Variants in ZBTB16 observed in about 807,000 individuals in gnomAD.
ZBTB16 encodes the protein zinc finger and BTB domain containing 16, also known as zinc finger and BTB domain-containing protein 16.
Under a neutral mutation model 56.8 loss-of-function variants are expected in ZBTB16, and 8 were observed. The ratio of observed to expected loss-of-function variants is 0.14; its 90% CI spans 0.08 to 0.25. The LOEUF (loss-of-function observed/expected upper bound fraction) is 0.25, where lower values mean the gene tolerates loss of function less well. Ranked by LOEUF, ZBTB16 falls within the 10% of genes least tolerant of loss-of-function variation. The pLI is 1.00. For missense variants in ZBTB16, 625 were observed against 903.0 expected (o/e 0.69, Z 3.95); for synonymous variants, 363 against 368.5 (o/e 0.98, Z 0.17).
chr11:114,097,058 G>T (rs576478737), intron 2 of ZBTB16, among the ~76,000 whole-genome samples: 78 of 152,300 alleles, frequency 5.1e-4, no homozygotes, highest in African/African-American at 1.8e-3. Flanking sequence ...AATGTTCATT[G>T]ACCCATGGAT....
chr11:114,183,480 C>T (rs1293875530), intron 3 of ZBTB16, among the ~76,000 whole-genome samples: 1 of 152,156 alleles, frequency 6.6e-6, no homozygotes, highest in Admixed American at 6.5e-5. Flanking sequence ...CTCCTCTAGC[C>T]CACAGTGATG....
At chr11:114,124,415 G>C (rs1161443370) in intron 2 of ZBTB16, among the ~76,000 whole-genome samples, 1 of 151,620 alleles carries the variant, frequency 6.6e-6, no homozygotes, top group Non-Finnish European at 1.5e-5. Context: ...ATCTCTCCCT[G>C]AACCTCTTTC....
intron 2 of ZBTB16, among the ~76,000 whole-genome samples, chr11:114,076,156 A>G (rs986194552): frequency 2.6e-5 from 4 of 152,174 alleles, no homozygotes; most frequent in African/African-American, 9.7e-5. Flanking sequence ...CGCTGGGGGA[A>G]GGGTTTGGAG....
intron 2 of ZBTB16, among the ~76,000 whole-genome samples, chr11:114,067,101 C>G (rs1233996988): frequency 6.6e-6 from 1 of 152,118 alleles, no homozygotes; most frequent in Non-Finnish European, 1.5e-5. Context: ...AGACGGTCAA[C>G]AGGGTTGGTG....
intron 2 of ZBTB16, among the ~76,000 whole-genome samples, chr11:114,077,158 A>G (rs77293080): frequency 0.013 from 1,954 of 152,134 alleles, 23 homozygotes; most frequent in Non-Finnish European, 0.022. Flanking sequence ...AAATTAGCCT[A>G]TTCCATTCAG....
intron 6 of ZBTB16, among the ~76,000 whole-genome samples, chr11:114,248,012 C>T (rs1206860221): frequency 6.6e-6 from 1 of 152,086 alleles, no homozygotes; most frequent in Non-Finnish European, 1.5e-5. Flanking sequence ...ATTCTCCTGC[C>T]TCAGCCTCCC....
At chr11:114,078,685 G>T (rs1167004753) in intron 2 of ZBTB16, among the ~76,000 whole-genome samples, 2 of 152,062 alleles carry the variant, frequency 1.3e-5, no homozygotes, top group Non-Finnish European at 1.5e-5. Flanking sequence ...GTGAAATACA[G>T]CCCAGGAATT....
intron 2 of ZBTB16, among the ~76,000 whole-genome samples, chr11:114,077,121 G>C (rs549556133): frequency 9.2e-5 from 14 of 152,146 alleles, no homozygotes; most frequent in Non-Finnish European, 2.1e-4. Flanking sequence ...TGAGATGAAG[G>C]GTCTGGTAAG....
intron 2 of ZBTB16, among the ~76,000 whole-genome samples, chr11:114,111,369 A>C (rs1463203888): frequency 6.6e-6 from 1 of 152,104 alleles, no homozygotes; most frequent in Non-Finnish European, 1.5e-5. Context: ...TAGATGGTTT[A>C]TTTCTTTCTT....
chr11:114,252,943 T>C lies in ZBTB16; in HGVS notation c.*2388T>C, dbSNP rs1944941258. ...TAGGGAGGATGCTATTTTGCAACTATAGTAACGACTTAGTGTTTTGGAAAG... is the reference window on the plus strand; with the variant it reads ...TAGGGAGGATGCTATTTTGCAACTACAGTAACGACTTAGTGTTTTGGAAAG... On this transcript the variant is annotated 3_prime_UTR_variant, in exon 7 of 7. Transcript: ENST00000335953. Among the ~76,000 whole-genome samples the C allele has an allele frequency of 6.6e-6, 1 of 152,202 alleles. No individual in the cohort carries two copies. The highest frequency in any genetic ancestry group is 6.5e-5 in the Admixed American group (1 of 15,286).
At chr11:114,096,626 A>G (rs1041238016) in intron 2 of ZBTB16, among the ~76,000 whole-genome samples, 1 of 152,048 alleles carries the variant, frequency 6.6e-6, no homozygotes, top group Non-Finnish European at 1.5e-5. Context: ...GGTCAGCTGC[A>G]TTTCCTGCAG....
At chr11:114,211,917 CT>C (rs950240872) in intron 4 of ZBTB16, among the ~76,000 whole-genome samples, 1 of 152,222 alleles carries the variant, frequency 6.6e-6, no homozygotes, top group Non-Finnish European at 1.5e-5. Context: ...AAGCCAGTGT[CT>C]ATTTACAGTG....
At chr11:114,216,686 A>C (rs1944106306) in intron 4 of ZBTB16, among the ~76,000 whole-genome samples, 1 of 151,972 alleles carries the variant, frequency 6.6e-6, no homozygotes, top group Non-Finnish European at 1.5e-5. Context: ...ATAAGAAGTC[A>C]CCTCCCCTTA....
At chr11:114,083,003 G>A (rs1005911455) in intron 2 of ZBTB16, among the ~76,000 whole-genome samples, 1 of 152,202 alleles carries the variant, frequency 6.6e-6, no homozygotes, top group South Asian at 2.1e-4. Context: ...GTTGTGTAAC[G>A]AGGGGCATGG....
chr11:114,117,539 G>A (rs1941209178), intron 2 of ZBTB16, among the ~76,000 whole-genome samples: 1 of 151,776 alleles, frequency 6.6e-6, no homozygotes, highest in African/African-American at 2.4e-5. Context: ...TTGATTGGGG[G>A]TGAAGTTTGA....
chr11:114,253,077 C>T lies in ZBTB16; in HGVS notation c.*2522C>T, dbSNP rs970651879. 1.3e-5 allele frequency among the ~76,000 whole-genome samples: 2 copies of T among 152,208 alleles called. No individual in the cohort carries two copies. Among genetic ancestry groups the T allele is most frequent in the Non-Finnish European group, 2.9e-5 (2 of 68,042 alleles). ...GCCGTCTGTAAGAAATCATTATGCA[C>T]TATGGCTTCCTCCTCTGGTCTGGGA... On this transcript the variant is annotated 3_prime_UTR_variant, in exon 7 of 7. Coordinates refer to ENST00000335953, the MANE Select transcript of ZBTB16 (RefSeq NM_006006.6).
chr11:114,134,125 T>C (rs1279179385), intron 2 of ZBTB16, among the ~76,000 whole-genome samples: 5 of 152,158 alleles, frequency 3.3e-5, no homozygotes, highest in African/African-American at 9.7e-5. Flanking sequence ...CTTAACATAA[T>C]CTGAATGTGG....
At chr11:114,196,862 C>G (rs1220258768) in intron 4 of ZBTB16, among the ~76,000 whole-genome samples, 1 of 151,762 alleles carries the variant, frequency 6.6e-6, no homozygotes, top group Non-Finnish European at 1.5e-5. Context: ...GACCTTTTTT[C>G]CTCCCTAATC....
intron 2 of ZBTB16, among the ~76,000 whole-genome samples, chr11:114,103,786 G>C (rs1410251232): frequency 6.6e-6 from 1 of 152,164 alleles, no homozygotes; most frequent in East Asian, 1.9e-4. Flanking sequence ...AGGGAGGCTT[G>C]GCTGGAGCAA....
Sources: gnomAD v4.1 joint callset for allele counts (sites outside exome capture counted in the v4.1 genomes callset) on GRCh38, gnomAD v4.1.1 for gene constraint, MANE v1.5 for transcripts, NCBI Gene and HGNC (gene_info 2026-07-23, HGNC 2026-07-21) for gene names.